LRRFIP1: variants seen among roughly 807,000 people sequenced by gnomAD.
The protein encoded by LRRFIP1 is leucine-rich repeat flightless-interacting protein 1.
In LRRFIP1, 62 loss-of-function variants were observed where a neutral mutation model predicts 104.4. The observed-to-expected ratio is 0.59, with a 90% CI of 0.48 to 0.73. The LOEUF is 0.73. Ranked by LOEUF, LRRFIP1 falls within the 30% of genes least tolerant of loss-of-function variation. The pLI, the probability that LRRFIP1 is intolerant of heterozygous loss-of-function variation, is 0.00. For synonymous variants in LRRFIP1, 300 were observed against 299.0 expected (o/e 1.00, Z -0.03); for missense variants, 796 against 824.5 (o/e 0.97, Z 0.42).
At chr2:237,720,418 T>A (rs1385234090) in intron 5 of LRRFIP1, among the ~76,000 whole-genome samples, 1 of 151,866 alleles carries the variant, frequency 6.6e-6, no homozygotes, top group Non-Finnish European at 1.5e-5. Flanking sequence ...CGGCTAATTT[T>A]TGTATTTTTT....
At chr2:237,678,011 C>A (rs530187435) in intron 1 of LRRFIP1, among the ~76,000 whole-genome samples, 1 of 152,130 alleles carries the variant, frequency 6.6e-6, no homozygotes, top group African/African-American at 2.4e-5. Flanking sequence ...TCACCTCGGG[C>A]GGACCATTTC....
At chr2:237,648,596 G>A (rs1032214500) in intron 1 of LRRFIP1, among the ~76,000 whole-genome samples, 4 of 151,170 alleles carry the variant, frequency 2.6e-5, no homozygotes, top group African/African-American at 7.3e-5. Flanking sequence ...CGCAGTTCAC[G>A]CAGTTCAGGT....
At chr2:237,715,923 G>A (rs143155664) in intron 3 of LRRFIP1, among the ~76,000 whole-genome samples, 105 of 152,350 alleles carry the variant, frequency 6.9e-4, no homozygotes, top group African/African-American at 2.0e-3. Context: ...ACATGGAAAT[G>A]CAGTTACAGT....
intron 19 of LRRFIP1, among the ~76,000 whole-genome samples, chr2:237,761,735 C>T (rs187629965): frequency 1.1e-4 from 17 of 152,230 alleles, no homozygotes; most frequent in Admixed American, 2.0e-4. Flanking sequence ...TAATATTTCC[C>T]CCATTTTCCC....
At chr2:237,645,285 C>T (rs2084695712) in intron 1 of LRRFIP1, among the ~76,000 whole-genome samples, 1 of 152,206 alleles carries the variant, frequency 6.6e-6, no homozygotes, top group Non-Finnish European at 1.5e-5. Context: ...TCGGTGCAAC[C>T]AGTGAACTTG....
At chr2:237,769,670 T>C (rs886301373) in intron 19 of LRRFIP1, 4 of 418,042 alleles carry the variant, frequency 9.6e-6, no homozygotes, top group Non-Finnish European at 1.8e-5. Context: ...CTAGCGTTCT[T>C]GCATGCTAAC....
At chr2:237,628,267 C>A (rs1316123320) in intron 1 of LRRFIP1, among the ~76,000 whole-genome samples, 1 of 152,218 alleles carries the variant, frequency 6.6e-6, no homozygotes, top group Non-Finnish European at 1.5e-5. Context: ...ACTTGGGGAT[C>A]ACTGTGATTT....
intron 11 of LRRFIP1, among the ~76,000 whole-genome samples, chr2:237,745,797 G>A (rs1373437060): frequency 2.0e-5 from 3 of 152,074 alleles, no homozygotes; most frequent in South Asian, 2.1e-4. Context: ...GAAAACATAC[G>A]TTTTACACCG....
intron 1 of LRRFIP1, among the ~76,000 whole-genome samples, chr2:237,655,723 C>G (rs2086706230): frequency 2.0e-5 from 3 of 152,214 alleles, no homozygotes; most frequent in African/African-American, 7.2e-5. Flanking sequence ...AAAACCAGTT[C>G]TCTGTATTCT....
At position 237,718,324 on chromosome 2, in the gene LRRFIP1, C is replaced by T. The variant is rs546457668; in HGVS notation, c.249+515C>T. On this transcript the variant is annotated intron_variant, in intron 4 of 23. Coordinates refer to ENST00000308482, the MANE Select transcript of LRRFIP1 (RefSeq NM_001137550.2). ...ATCTGCATTTGCTGTTGGGTTCTCT[C>T]TTCATCTTGTCCGCTGTGCCTGCCG... Among the ~76,000 whole-genome samples, 7 of 152,360 alleles carry T rather than the reference C, an allele frequency of 4.6e-5. No individual in the cohort carries two copies. The South Asian group carries it at 1.4e-3, about 32-fold the overall frequency.
At chr2:237,656,488 T>A (rs982016016) in intron 1 of LRRFIP1, among the ~76,000 whole-genome samples, 6 of 152,196 alleles carry the variant, frequency 3.9e-5, no homozygotes, top group African/African-American at 1.4e-4. Context: ...ACTGAGCAAC[T>A]GTATAGGTAG....
intron 14 of LRRFIP1, among the ~76,000 whole-genome samples, chr2:237,752,389 G>A (rs2058729818): frequency 6.6e-6 from 1 of 152,216 alleles, no homozygotes; most frequent in African/African-American, 2.4e-5. Context: ...CTGGGTGACA[G>A]AGCGAGACAC....
In LRRFIP1 at chr2:237,758,740, G is replaced by A. The variant is rs755834545; in HGVS notation, c.1236G>A (p.Arg412=). ...WKDKKIGALE[R]QKEFFDSVRS... is the part of the protein sequence containing the mutation. ...TGCTGCACACTCAGGCATTAGAGAG[G>A]CAGAAAGAGTTCTTTGATTCCGTAA... is the stretch of plus-strand genomic sequence containing the variant. Residue 412 remains arginine (R), a synonymous_variant, in exon 18 of 24, where the codon AGG becomes AGA. Coordinates refer to ENST00000308482, the MANE Select transcript of LRRFIP1 (RefSeq NM_001137550.2). 10 of 1,612,056 alleles carry A rather than the reference G, an allele frequency of 6.2e-6. No individual in the cohort carries two copies. In the East Asian group the frequency reaches 1.6e-4, roughly 25 times the overall value.
At chr2:237,654,031 C>T (rs2086381702) in intron 1 of LRRFIP1, among the ~76,000 whole-genome samples, 1 of 152,170 alleles carries the variant, frequency 6.6e-6, no homozygotes, top group Non-Finnish European at 1.5e-5. Context: ...TAAAAAGCCT[C>T]TGCACAGCAA....
At chr2:237,746,250 G>C (rs1407971203) in intron 11 of LRRFIP1, among the ~76,000 whole-genome samples, 1 of 151,934 alleles carries the variant, frequency 6.6e-6, no homozygotes, top group Non-Finnish European at 1.5e-5. Context: ...ATAGAGACAG[G>C]GTTTCGCCGT....
At chr2:237,763,521 G>A in intron 19 of LRRFIP1, 1 of 1,613,564 alleles carries the variant, frequency 6.2e-7, no homozygotes. Flanking sequence ...ACAGATTTAA[G>A]TGAAATTAAG....
At chr2:237,631,376 G>A (rs915554733) in intron 1 of LRRFIP1, among the ~76,000 whole-genome samples, 1 of 152,222 alleles carries the variant, frequency 6.6e-6, no homozygotes, top group Non-Finnish European at 1.5e-5. Flanking sequence ...TTTGGAGGGT[G>A]CATTTCTGCT....
At chr2:237,752,196 A>G (rs55783962) in intron 14 of LRRFIP1, among the ~76,000 whole-genome samples, 4,839 of 152,284 alleles carry the variant, frequency 0.032, 94 homozygotes, top group Middle Eastern at 0.12. Flanking sequence ...ACCGGAGGTC[A>G]GGAGTTTGAG....
chr2:237,748,390 T>C lies in LRRFIP1; in HGVS notation c.660T>C (p.Phe220=). The change falls in exon 12 of 24, where the codon TTT becomes TTC. Residue 220 remains phenylalanine (F), a synonymous_variant. Transcript: ENST00000308482. ...TAGAAGAGAGACCAGAAAAAGATTT[T>C]ACTGAGAAGGTAAGGAATCGTTCAT... The part of the protein sequence containing the change: ...PVVEERPEKD[F]TEKGSRNMPG... The C allele has an allele frequency of 6.2e-7, 1 of 1,605,528 alleles. No homozygotes were observed. The highest frequency in any genetic ancestry group is 1.7e-5 in the Admixed American group (1 of 57,156).
Sources: gnomAD v4.1 joint callset for allele counts (sites outside exome capture counted in the v4.1 genomes callset) on GRCh38, gnomAD v4.1.1 for gene constraint, MANE v1.5 for transcripts, NCBI Gene and HGNC (gene_info 2026-07-23, HGNC 2026-07-21) for gene names.